The following HDGFL2 variants were observed in gnomAD, a reference collection of about 807,000 sequenced individuals.
HDGFL2 encodes the protein hepatoma-derived growth factor-related protein 2.
HDGFL2 carries 36 observed loss-of-function variants against 77.1 expected under a neutral mutation model. The observed-to-expected ratio is 0.47, with a 90% CI of 0.36 to 0.62. HDGFL2 has a LOEUF of 0.62. Among genes scored for constraint, HDGFL2 ranks in the 20% least tolerant of loss-of-function variants. The pLI, the probability that HDGFL2 is intolerant of heterozygous loss-of-function variation, is 0.00. For synonymous variants in HDGFL2, 463 were observed against 413.1 expected, an observed-to-expected ratio of 1.12 and a Z score of -1.46; for missense variants, 976 against 973.4, an observed-to-expected ratio of 1.00 and a Z score of -0.04.
In HDGFL2 at chr19:4,502,040, C is replaced by T. The variant is rs888385501; in HGVS notation, c.*30C>T. On this transcript the variant is annotated 3_prime_UTR_variant, in exon 16 of 16. Transcript: ENST00000616600. ...CGGGCAGCCAGGCCCAGCCCCCGCC[C>T]GAGCTCAGGCTGCCCCTCTCCTTCC... is the stretch of plus-strand genomic sequence containing the variant. 22 of 1,467,824 alleles carry T rather than the reference C, an allele frequency of 1.5e-5. No homozygotes were observed. The highest frequency in any genetic ancestry group is 4.1e-5 in the Admixed American group (2 of 49,112). 90.9% of individuals were successfully genotyped at this position (1,467,824 alleles called of 1,614,324 possible).
Position 4,502,075 on chromosome 19 carries a change from A to T in HDGFL2, c.*65A>T. 8.7e-7 allele frequency: 1 copy of T among 1,144,932 alleles called. No homozygotes were observed. Among genetic ancestry groups the T allele is most frequent in the Non-Finnish European group, 1.3e-6 (1 of 789,600 alleles). 70.9% of individuals were successfully genotyped at this position (1,144,932 alleles called of 1,614,324 possible). On this transcript the variant is annotated 3_prime_UTR_variant, in exon 16 of 16. Transcript: ENST00000616600. Reference sequence around the variant, plus strand: ...CTGCCCCTCTCCTTCCCCGGCTCGCAGGAGAGCAGAGCAGAGAACTGTGGG... The same window carrying T: ...CTGCCCCTCTCCTTCCCCGGCTCGCTGGAGAGCAGAGCAGAGAACTGTGGG...
intron 3 of HDGFL2, among the ~76,000 whole-genome samples, chr19:4,486,912 T>C (rs796845365): frequency 1.6e-4 from 24 of 152,018 alleles, no homozygotes; most frequent in African/African-American, 5.3e-4. Flanking sequence ...TCTGTAAAAA[T>C]GTCACATCCT....
Position 4,475,074 on chromosome 19 carries a change from G to A in HDGFL2, c.73-201G>A, listed in dbSNP as rs183761599. 998 of 587,534 alleles carry A rather than the reference G, an allele frequency of 1.7e-3. 14 individuals carry two copies. The highest frequency in any genetic ancestry group is 0.017 in the African/African-American group (895 of 53,574). The allele number at this position is 587,534 out of a possible 1,614,324, so 36.4% of individuals were successfully genotyped here. On this transcript the variant is annotated intron_variant, in intron 1 of 15. Coordinates refer to ENST00000616600, the MANE Select transcript of HDGFL2 (RefSeq NM_001001520.3). ...GGCCAGCTCCGTCCCTGGGGTAGGG[G>A]GAGAGCTCTCTGGGTGGGGCACAGC...
intron 6 of HDGFL2, among the ~76,000 whole-genome samples, chr19:4,492,304 T>C (rs1568212496): frequency 6.7e-6 from 1 of 150,104 alleles, no homozygotes; most frequent in East Asian, 2.0e-4. Context: ...AGATTGTGCA[T>C]GTGTGATGTG....
At chr19:4,478,544 C>A (rs1188003080) in intron 3 of HDGFL2, among the ~76,000 whole-genome samples, 1 of 151,994 alleles carries the variant, frequency 6.6e-6, no homozygotes, top group African/African-American at 2.4e-5. Flanking sequence ...ACTAATGCCA[C>A]CAAGAGCGGA....
intron 1 of HDGFL2, among the ~76,000 whole-genome samples, chr19:4,472,639 G>A (rs531045807): frequency 3.0e-4 from 46 of 151,724 alleles, no homozygotes; most frequent in African/African-American, 1.1e-3. Context: ...GCGCCCTAGG[G>A]GTCTGGGGTT....
chr19:4,493,565 G>A (rs956840086), intron 6 of HDGFL2, 138 bp from the exon 7 acceptor site: 2 of 1,165,738 alleles, frequency 1.7e-6, no homozygotes, highest in Admixed American at 4.0e-5. Context: ...TGGGTGGGAG[G>A]GGATTCGGAG....
At chr19:4,482,459 C>T (rs1325905469) in intron 3 of HDGFL2, among the ~76,000 whole-genome samples, 3 of 152,070 alleles carry the variant, frequency 2.0e-5, no homozygotes, top group East Asian at 3.9e-4. Context: ...CCACCCCTAT[C>T]GGCCTCCCCA....
At chr19:4,493,306 G>A (rs377404572) in intron 6 of HDGFL2, among the ~76,000 whole-genome samples, 1 of 150,742 alleles carries the variant, frequency 6.6e-6, no homozygotes, top group Non-Finnish European at 1.5e-5. Flanking sequence ...TGTGTGGTGT[G>A]TGTGTGGTGT....
At chr19:4,481,198 T>A (rs1327244241) in intron 3 of HDGFL2, among the ~76,000 whole-genome samples, 8 of 142,870 alleles carry the variant, frequency 5.6e-5, no homozygotes, top group African/African-American at 2.1e-4. Flanking sequence ...ATTTTTTTTT[T>A]TTTTTTTTTT....
intron 3 of HDGFL2, among the ~76,000 whole-genome samples, chr19:4,479,579 TAA>T (rs566085453): frequency 7.4e-5 from 9 of 121,956 alleles, no homozygotes; most frequent in East Asian, 2.5e-4. Context: ...AGATTCCATC[TAA>T]AAAAAAAAAA....
chr19:4,501,356 G>T, intron 15 of HDGFL2, 39 bp downstream of exon 15: 1 of 1,548,952 alleles, frequency 6.5e-7, no homozygotes, highest in Non-Finnish European at 8.7e-7. Flanking sequence ...CTCCTGAGCG[G>T]CAGCGGTGTG....
chr19:4,497,840 C>T, intron 10 of HDGFL2, 118 bp from the exon 11 acceptor site: 1 of 893,460 alleles, frequency 1.1e-6, no homozygotes, highest in Non-Finnish European at 1.7e-6. Context: ...CGGCTTAGCT[C>T]CCAGGGCCTC....
Position 4,494,421 on chromosome 19 carries a change from C to A in HDGFL2, c.1170C>A (p.Gly390=). ...AGAAGCGGGGACGCAAGGGCCGGGG[C>A]CGGGGTCCCCCGTCCTCCTCTGACT... ...PVKKRGRKGR[G]RGPPSSSDSE... Residue 390 remains glycine (G), a synonymous_variant, in exon 9 of 16, where the codon GGC becomes GGA. Transcript: ENST00000616600. The A allele has an allele frequency of 7.1e-7, 1 of 1,407,016 alleles. No homozygotes were observed. The highest frequency in any genetic ancestry group is 2.9e-5 in the East Asian group (1 of 34,214). The allele number at this position is 1,407,016 out of a possible 1,614,324, so 87.2% of individuals were successfully genotyped here.
chr19:4,496,377 G>A lies in HDGFL2; in HGVS notation c.1300G>A (p.Val434Met). ...ARKPGQKEKR[V>M]RPEEKQQAKP... ...GAAACCTGGCCAGAAGGAGAAGAGA[G>A]TGCGGCCCGAGGAGAAGCAACAAGC... The change falls in exon 10 of 16, where the codon GTG becomes ATG. Residue 434 changes from valine to methionine, a missense_variant. By Grantham distance (21) the Val-to-Met change is conservative (BLOSUM62 1). Around this residue, in one of 5 missense-constraint regions of HDGFL2, gnomAD observed 567 missense variants for 534.7 expected, o/e 1.06. Coordinates refer to ENST00000616600, the MANE Select transcript of HDGFL2 (RefSeq NM_001001520.3). The A allele has an allele frequency of 6.2e-7, 1 of 1,613,928 alleles. No individual in the cohort carries two copies. Among genetic ancestry groups the A allele is most frequent in the South Asian group, 1.1e-5 (1 of 91,078 alleles).
At chr19:4,480,184 C>T (rs1975178801) in intron 3 of HDGFL2, among the ~76,000 whole-genome samples, 1 of 152,024 alleles carries the variant, frequency 6.6e-6, no homozygotes, top group Non-Finnish European at 1.5e-5. Context: ...AGGATCCCAC[C>T]TAATACATCC....
intron 13 of HDGFL2, 87 bp from the exon 14 acceptor site, chr19:4,499,404 A>G (rs1332917373): frequency 2.6e-6 from 3 of 1,164,650 alleles, no homozygotes; most frequent in Admixed American, 4.8e-5. Context: ...GGGCTGCGGG[A>G]GGGGCGCATT....
chr19:4,498,489 C>A, intron 12 of HDGFL2, 113 bp downstream of exon 12: 1 of 846,114 alleles, frequency 1.2e-6, no homozygotes, highest in South Asian at 1.5e-5. Context: ...GTTGGGTGGG[C>A]CAGGAGTCTG....
chr19:4,483,741 C>T (rs745780356), intron 3 of HDGFL2, among the ~76,000 whole-genome samples: 81 of 151,826 alleles, frequency 5.3e-4, no homozygotes, highest in Non-Finnish European at 1.0e-3. Flanking sequence ...CTGTCACACG[C>T]CATTTTGGTC....
Sources: allele counts gnomAD v4.1 joint callset (sites outside exome capture counted in the v4.1 genomes callset), GRCh38; gene constraint gnomAD v4.1.1; regional missense constraint gnomAD v4.1.1; transcripts MANE v1.5; gene names NCBI Gene and HGNC (gene_info 2026-07-23, HGNC 2026-07-21).